Variants in MACROD2 observed in about 807,000 individuals in gnomAD.
MACROD2 encodes mono-ADP ribosylhydrolase 2.
Under a neutral mutation model 70.4 loss-of-function variants are expected in MACROD2, and 36 were observed. The observed-to-expected ratio is 0.51, with a 90% CI of 0.39 to 0.68. MACROD2 has a LOEUF of 0.68. Ranked by LOEUF, MACROD2 falls within the 30% of genes least tolerant of loss-of-function variation. MACROD2 has a pLI of 0.00. For missense variants in MACROD2, 496 were observed against 538.4 expected (o/e 0.92, Z 0.78); for synonymous variants, 172 against 178.8 (o/e 0.96, Z 0.30).
intron 6 of MACROD2, among the ~76,000 whole-genome samples, chr20:15,294,413 A>T (rs2077568450): frequency 6.6e-6 from 1 of 152,122 alleles, no homozygotes; most frequent in South Asian, 2.1e-4. Flanking sequence ...TTTCAGCCAC[A>T]TCCTTCTTTC....
chr20:15,896,633 T>C (rs1474862339), intron 10 of MACROD2, among the ~76,000 whole-genome samples: 1 of 152,104 alleles, frequency 6.6e-6, no homozygotes, highest in Non-Finnish European at 1.5e-5. Flanking sequence ...AGAAATATTG[T>C]CAACATTATA....
intron 3 of MACROD2, among the ~76,000 whole-genome samples, chr20:14,353,528 CTGTT>C (rs1438578024): frequency 6.6e-6 from 1 of 151,898 alleles, no homozygotes; most frequent in Admixed American, 6.6e-5. Context: ...TAAGCTTTCT[CTGTT>C]AGAGTATTTT....
chr20:14,435,103 G>T (rs2084041460), intron 3 of MACROD2, among the ~76,000 whole-genome samples: 1 of 152,070 alleles, frequency 6.6e-6, no homozygotes, highest in Admixed American at 6.6e-5. Context: ...TGAACTGAAG[G>T]TATTCAGGGC....
At chr20:14,336,968 G>A (rs1042996160) in intron 3 of MACROD2, among the ~76,000 whole-genome samples, 2 of 152,274 alleles carry the variant, frequency 1.3e-5, no homozygotes, top group African/African-American at 2.4e-5. Context: ...CATGTACTGC[G>A]TACTCATGGG....
At chr20:14,395,979 T>A (rs1328104147) in intron 3 of MACROD2, among the ~76,000 whole-genome samples, 1 of 152,230 alleles carries the variant, frequency 6.6e-6, no homozygotes, top group Non-Finnish European at 1.5e-5. Flanking sequence ...AGACTACAAC[T>A]CCTGGACTCA....
At chr20:15,245,989 G>A (rs561105094) in intron 6 of MACROD2, among the ~76,000 whole-genome samples, 3 of 152,302 alleles carry the variant, frequency 2.0e-5, no homozygotes, top group East Asian at 3.9e-4. Flanking sequence ...ATAATAGTGT[G>A]CATCTTTCTA....
At chr20:15,398,070 G>A (rs2045882922) in intron 6 of MACROD2, among the ~76,000 whole-genome samples, 1 of 152,034 alleles carries the variant, frequency 6.6e-6, no homozygotes, top group African/African-American at 2.4e-5. Flanking sequence ...CAACAAGAAG[G>A]CTGAATATTC....
intron 4 of MACROD2, among the ~76,000 whole-genome samples, chr20:14,673,023 T>C (rs1321985332): frequency 6.6e-6 from 1 of 152,230 alleles, no homozygotes; most frequent in Admixed American, 6.5e-5. Context: ...CGGCTCCTTA[T>C]GCCCAAGATA....
intron 6 of MACROD2, among the ~76,000 whole-genome samples, chr20:15,328,024 AATAT>A (rs2077950982): frequency 6.6e-6 from 1 of 152,120 alleles, no homozygotes; most frequent in Non-Finnish European, 1.5e-5. Flanking sequence ...TGATAAGTAG[AATAT>A]ATATTTTTAT....
chr20:15,506,776 G>A (rs1262697700), intron 8 of MACROD2, among the ~76,000 whole-genome samples: 1 of 152,216 alleles, frequency 6.6e-6, no homozygotes, highest in Admixed American at 6.5e-5. Context: ...AAGGCATAAT[G>A]TGCCATCCTC....
At chr20:15,342,800 G>A (rs754487567) in intron 6 of MACROD2, among the ~76,000 whole-genome samples, 5 of 152,216 alleles carry the variant, frequency 3.3e-5, no homozygotes, top group South Asian at 2.1e-4. Flanking sequence ...TTGGTGGTAC[G>A]GGAATATATG....
intron 5 of MACROD2, among the ~76,000 whole-genome samples, chr20:15,081,945 G>A (rs2075706745): frequency 6.6e-6 from 1 of 152,178 alleles, no homozygotes; most frequent in African/African-American, 2.4e-5. Flanking sequence ...TAATTGTGCT[G>A]GAATGGGACA....
intron 9 of MACROD2, among the ~76,000 whole-genome samples, chr20:15,876,420 A>G (rs1348869407): frequency 1.3e-5 from 2 of 152,044 alleles, no homozygotes; most frequent in African/African-American, 4.8e-5. Context: ...AGCTTCATCC[A>G]TGTCCCTACA....
At chr20:15,798,170 T>C (rs1395124895) in intron 8 of MACROD2, among the ~76,000 whole-genome samples, 1 of 152,212 alleles carries the variant, frequency 6.6e-6, no homozygotes, top group Non-Finnish European at 1.5e-5. Context: ...TAGCAAATTA[T>C]TCCACTTTAT....
chr20:15,612,365 C>T (rs569783443), intron 8 of MACROD2, among the ~76,000 whole-genome samples: 1 of 152,288 alleles, frequency 6.6e-6, no homozygotes, highest in East Asian at 1.9e-4. Flanking sequence ...ATAATGGTCC[C>T]TGATGCTGTT....
chr20:15,672,565 G>GTTCTCACTCCA (rs2049995830), intron 8 of MACROD2, among the ~76,000 whole-genome samples: 1 of 152,076 alleles, frequency 6.6e-6, no homozygotes, highest in East Asian at 1.9e-4. Flanking sequence ...TCTTCAGATG[G>GTTCTCACTCCA]GGTGAGTTCA....
intron 6 of MACROD2, among the ~76,000 whole-genome samples, chr20:15,322,212 C>CAA (rs199846303): frequency 7.0e-6 from 1 of 142,418 alleles, no homozygotes; most frequent in Non-Finnish European, 1.6e-5. Context: ...TTTAAACATA[C>CAA]AAAAAAAATG....
At chr20:15,733,904 AT>A (rs2050982178) in intron 8 of MACROD2, among the ~76,000 whole-genome samples, 2 of 152,352 alleles carry the variant, frequency 1.3e-5, no homozygotes, top group South Asian at 4.1e-4. Context: ...AGCCATTGAG[AT>A]CATTAGGATG....
chr20:14,157,258 T>A (rs1055783152), intron 3 of MACROD2, among the ~76,000 whole-genome samples: 3 of 152,132 alleles, frequency 2.0e-5, no homozygotes, highest in African/African-American at 7.2e-5. Flanking sequence ...TTTCATCCTC[T>A]TTTTCAAAAT....
Sources: allele counts gnomAD v4.1 joint callset (sites outside exome capture counted in the v4.1 genomes callset), GRCh38; gene constraint gnomAD v4.1.1; transcripts MANE v1.5; gene names NCBI Gene and HGNC (gene_info 2026-07-23, HGNC 2026-07-21).